ODF1: variants seen among roughly 807,000 people sequenced by gnomAD.
ODF1 encodes the protein outer dense fiber of sperm tails 1.
ODF1 carries 10 observed loss-of-function variants against 24.0 expected under a neutral mutation model. The ratio of observed to expected loss-of-function variants is 0.42; its 90% CI spans 0.26 to 0.71. The LOEUF is 0.71. Ranked by LOEUF, ODF1 falls within the 30% of genes least tolerant of loss-of-function variation. ODF1 has a pLI of 0.28. For missense variants in ODF1, 282 were observed against 307.9 expected, an observed-to-expected ratio of 0.92 and a Z score of 0.63; for synonymous variants, 118 against 121.3, an observed-to-expected ratio of 0.97 and a Z score of 0.18.
intron 1 of ODF1, 101 bp from the exon 2 acceptor site, chr8:102,560,351 T>C (rs1826163545): frequency 1.8e-6 from 2 of 1,087,090 alleles, no homozygotes; most frequent in South Asian, 1.5e-5. Flanking sequence ...GTATTAACTT[T>C]GGCTATTTCA....
chr8:102,553,331 T>C (rs1826070852), intron 1 of ODF1, among the ~76,000 whole-genome samples: 2 of 146,322 alleles, frequency 1.4e-5, no homozygotes, highest in Non-Finnish European at 3.0e-5. Context: ...GAGCCAAGAT[T>C]GCACCACTAC....
At chr8:102,559,555 A>G (rs1826153010) in intron 1 of ODF1, among the ~76,000 whole-genome samples, 1 of 151,634 alleles carries the variant, frequency 6.6e-6, no homozygotes, top group Non-Finnish European at 1.5e-5. Flanking sequence ...AGCTCTTGCT[A>G]GCTGATGTGA....
Position 102,551,953 on chromosome 8 carries a change from T to G in ODF1, c.226T>G (p.Cys76Gly). 1 of 1,614,160 alleles carries G rather than the reference T, an allele frequency of 6.2e-7. No individual in the cohort carries two copies. The change falls in exon 1 of 2, where the codon TGT becomes GGT. Residue 76 changes from cysteine to glycine, a missense_variant. By Grantham distance (159) the Cys-to-Gly change is radical. Coordinates refer to ENST00000285402, the MANE Select transcript of ODF1 (RefSeq NM_024410.4). The part of the protein sequence containing the change: ...GLCDLYPCCL[C>G]DYKLYCLRPS... The stretch of plus-strand genomic sequence containing the variant: ...GTGTGATCTCTACCCATGTTGCCTG[T>G]GTGATTATAAGCTTTACTGTCTGCG...
intron 1 of ODF1, among the ~76,000 whole-genome samples, chr8:102,556,884 G>A (rs962393337): frequency 2.0e-5 from 3 of 152,126 alleles, no homozygotes; most frequent in African/African-American, 7.2e-5. Flanking sequence ...CTAGAGGAAG[G>A]CCTGCCCCAC....
intron 1 of ODF1, among the ~76,000 whole-genome samples, chr8:102,556,275 A>C (rs1563939386): frequency 6.6e-6 from 1 of 152,152 alleles, no homozygotes; most frequent in Non-Finnish European, 1.5e-5. Flanking sequence ...ATCTCTGGTC[A>C]GTGGTTCTCG....
At chr8:102,560,400 T>C in intron 1 of ODF1, 52 bp from the exon 2 acceptor site, 2 of 1,535,296 alleles carry the variant, frequency 1.3e-6, no homozygotes, top group Non-Finnish European at 8.9e-7. Context: ...AAGCTGTGTC[T>C]GGATTCTGAG....
chr8:102,559,427 C>T (rs569680833), intron 1 of ODF1, among the ~76,000 whole-genome samples: 4 of 151,730 alleles, frequency 2.6e-5, no homozygotes, highest in East Asian at 1.9e-4. Flanking sequence ...CAGAGGAGAG[C>T]CCTAATATGT....
At position 102,560,910 on chromosome 8, in the gene ODF1, A is replaced by T; in HGVS notation, c.*26A>T. On this transcript the variant is annotated 3_prime_UTR_variant, in exon 2 of 2. Transcript: ENST00000285402. ...AGTGCGCATAGGAACCCATTACTTA[A>T]TAGAAGTCAGTTACTCCAGCCAGGC... The T allele has an allele frequency of 6.4e-7, 1 of 1,569,744 alleles. No individual in the cohort carries two copies. Among genetic ancestry groups the T allele is most frequent in the South Asian group, 1.2e-5 (1 of 83,734 alleles).
In ODF1 at chr8:102,551,715, A is replaced by G. The variant is rs1381952570; in HGVS notation, c.-13A>G. 2 of 1,560,784 alleles carry G rather than the reference A, an allele frequency of 1.3e-6. No individual in the cohort carries two copies. The highest frequency in any genetic ancestry group is 1.8e-5 in the Admixed American group (1 of 56,700). On this transcript the variant is annotated 5_prime_UTR_variant, in exon 1 of 2. Coordinates refer to ENST00000285402, the MANE Select transcript of ODF1 (RefSeq NM_024410.4). ...TCCCAAAGGTACTCACAGAACAATC[A>G]GGTGTGACCATAATGGCTGCACTGA...
intron 1 of ODF1, among the ~76,000 whole-genome samples, chr8:102,554,345 C>A (rs932237385): frequency 2.6e-5 from 4 of 152,188 alleles, no homozygotes; most frequent in Non-Finnish European, 1.5e-5. Flanking sequence ...ATTCACATGA[C>A]CTTCCTCCCC....
intron 1 of ODF1, among the ~76,000 whole-genome samples, chr8:102,559,542 A>G (rs2131032369): frequency 6.6e-6 from 1 of 151,736 alleles, no homozygotes; most frequent in Middle Eastern, 3.4e-3. Context: ...GATGTACACG[A>G]TCAGCTCTTG....
Position 102,560,573 on chromosome 8 carries a change from G to A in ODF1, c.442G>A (p.Val148Ile), listed in dbSNP as rs755889668. Residue 148 changes from valine to isoleucine, a missense_variant, in exon 2 of 2, where the codon GTA becomes ATA. Val to Ile is a conservative substitution (Grantham distance 29). Coordinates refer to ENST00000285402, the MANE Select transcript of ODF1 (RefSeq NM_024410.4). Reference protein sequence around the residue: ...QVKVRVKDGKVCVSAERENRY... With the variant: ...QVKVRVKDGKICVSAERENRY... ...CAAAGTTCGAGTGAAGGATGGAAAG[G>A]TATGTGTGTCGGCTGAGCGGGAGAA... is the stretch of plus-strand genomic sequence containing the variant. The A allele has an allele frequency of 1.9e-6, 3 of 1,614,120 alleles. No individual in the cohort carries two copies. The highest frequency in any genetic ancestry group is 8.5e-7 in the Non-Finnish European group (1 of 1,180,058).
chr8:102,560,584 G>T lies in ODF1; in HGVS notation c.453G>T (p.Ser151=), dbSNP rs777547305. 5 of 1,614,096 alleles carry T rather than the reference G, an allele frequency of 3.1e-6. No homozygotes were observed. The highest frequency in any genetic ancestry group is 4.2e-6 in the Non-Finnish European group (5 of 1,180,052). ...VRVKDGKVCV[S]AERENRYDCL... ...TGAAGGATGGAAAGGTATGTGTGTC[G>T]GCTGAGCGGGAGAACAGGTACGACT... Residue 151 remains serine, a synonymous_variant, in exon 2 of 2, where the codon TCG becomes TCT. Transcript: ENST00000285402.
rs957599388 is a variant in ODF1, at chr8:102,559,464, A to T, written c.321-988A>T. The stretch of plus-strand genomic sequence containing the variant: ...GCATTTTCCAATTTCCATGGTGTAA[A>T]TATCCTCATCATGACTATGATTGAT... On this transcript the variant is annotated intron_variant, in intron 1 of 1. Coordinates refer to ENST00000285402, the MANE Select transcript of ODF1 (RefSeq NM_024410.4). Among the ~76,000 whole-genome samples the T allele has an allele frequency of 1.1e-4, 16 of 151,676 alleles. 1 individual carries two copies. Among genetic ancestry groups the T allele is most frequent in the African/African-American group, 3.7e-4 (15 of 40,944 alleles).
chr8:102,556,525 G>A (rs1254576108), intron 1 of ODF1, among the ~76,000 whole-genome samples: 1 of 151,646 alleles, frequency 6.6e-6, no homozygotes, highest in Non-Finnish European at 1.5e-5. Context: ...TCGGCTCACT[G>A]CAACTTCTGC....
At position 102,560,748 on chromosome 8, in the gene ODF1, C is replaced by T; in HGVS notation, c.617C>T (p.Thr206Ile). Residue 206 changes from threonine (T) to isoleucine (I), a missense_variant, in exon 2 of 2, where the codon ACT becomes ATT. By Grantham distance (89) the Thr-to-Ile change is moderately conservative. Transcript: ENST00000285402. ...VKIESPCYPC[T>I]SPCSPCSPCS... ...ATCGAGTCTCCTTGCTACCCTTGCA[C>T]TTCTCCTTGCAGCCCCTGCAGCCCC... is the stretch of plus-strand genomic sequence containing the variant. 6.2e-7 allele frequency: 1 copy of T among 1,613,686 alleles called. No homozygotes were observed. The highest frequency in any genetic ancestry group is 8.5e-7 in the Non-Finnish European group (1 of 1,179,928).
At position 102,551,819 on chromosome 8, in the gene ODF1, T is replaced by G. The variant is rs1304255109; in HGVS notation, c.92T>G (p.Phe31Cys). The part of the protein sequence containing the change: ...ELRQLRCIDE[F>C]STRCLCDLYM... The stretch of plus-strand genomic sequence containing the variant: ...AGGCAACTGAGATGCATCGACGAAT[T>G]TAGCACACGGTGCCTGTGCGACTTG... Residue 31 changes from phenylalanine to cysteine, a missense_variant, in exon 1 of 2, where the codon TTT (phenylalanine) becomes TGT (cysteine). Phe to Cys is a radical substitution (Grantham distance 205). Coordinates refer to ENST00000285402, the MANE Select transcript of ODF1 (RefSeq NM_024410.4). The G allele has an allele frequency of 1.2e-6, 2 of 1,614,128 alleles. No individual in the cohort carries two copies. The highest frequency in any genetic ancestry group is 2.2e-5 in the South Asian group (2 of 91,082).
chr8:102,554,662 T>G (rs1826090689), intron 1 of ODF1, among the ~76,000 whole-genome samples: 1 of 152,120 alleles, frequency 6.6e-6, no homozygotes, highest in African/African-American at 2.4e-5. Flanking sequence ...GCATAGAAAA[T>G]CCAATCCAAG....
Position 102,552,001 on chromosome 8 carries a change from A to G in ODF1, c.274A>G (p.Arg92Gly), listed in dbSNP as rs1826047825. The G allele has an allele frequency of 6.2e-7, 1 of 1,611,484 alleles. No homozygotes were observed. Among genetic ancestry groups the G allele is most frequent in the Admixed American group, 1.7e-5 (1 of 59,958 alleles). The change falls in exon 1 of 2, where the codon AGG (arginine) becomes GGG (glycine). Residue 92 changes from arginine (R) to glycine (G), a missense_variant. Transcript: ENST00000285402. ...GCGACCATCTCTCAGAAGTTTGGAG[A>G]GGAAAGCCATCAGAGCCATAGAAGA... ...CLRPSLRSLE[R>G]KAIRAIEDEK...
Sources: allele counts gnomAD v4.1 joint callset (sites outside exome capture counted in the v4.1 genomes callset), GRCh38; gene constraint gnomAD v4.1.1; transcripts MANE v1.5; gene names NCBI Gene and HGNC (gene_info 2026-07-23, HGNC 2026-07-21).